MACROD2: variants seen among roughly 807,000 people sequenced by gnomAD.
The protein encoded by MACROD2 is ADP-ribose glycohydrolase MACROD2.
In MACROD2, 36 loss-of-function variants were observed where a neutral mutation model predicts 70.4. The observed-to-expected ratio is 0.51, with a 90% confidence interval of 0.39 to 0.68. The LOEUF is 0.68. Among genes scored for constraint, MACROD2 ranks in the 30% least tolerant of loss-of-function variants. The pLI is 0.00. For missense variants in MACROD2, 496 were observed against 538.4 expected (o/e 0.92, Z 0.78); for synonymous variants, 172 against 178.8 (o/e 0.96, Z 0.30).
At chr20:14,645,784 C>T (rs1232847015) in intron 4 of MACROD2, among the ~76,000 whole-genome samples, 2 of 151,996 alleles carry the variant, frequency 1.3e-5, no homozygotes, top group South Asian at 2.1e-4. Context: ...TTAAATGGAA[C>T]ATGCAAGAGA....
chr20:14,269,653 T>C (rs1451740163), intron 3 of MACROD2, among the ~76,000 whole-genome samples: 1 of 152,184 alleles, frequency 6.6e-6, no homozygotes, highest in Non-Finnish European at 1.5e-5. Flanking sequence ...TTTCTTTGGA[T>C]TTAATTATAC....
chr20:14,539,724 T>C (rs1367284799), intron 4 of MACROD2, among the ~76,000 whole-genome samples: 2 of 152,234 alleles, frequency 1.3e-5, no homozygotes, highest in African/African-American at 2.4e-5. Flanking sequence ...CACTGATAAC[T>C]CAAAGATAAT....
At chr20:14,208,896 A>G (rs1196421745) in intron 3 of MACROD2, among the ~76,000 whole-genome samples, 1 of 152,216 alleles carries the variant, frequency 6.6e-6, no homozygotes, top group Non-Finnish European at 1.5e-5. Flanking sequence ...GTAGAAGAAA[A>G]AATGCCTTTT....
intron 6 of MACROD2, among the ~76,000 whole-genome samples, chr20:15,428,143 G>A (rs1346253041): frequency 2.0e-5 from 3 of 152,160 alleles, no homozygotes; most frequent in African/African-American, 7.2e-5. Flanking sequence ...CAATGCTCAT[G>A]TTCTTTATTT....
intron 3 of MACROD2, among the ~76,000 whole-genome samples, chr20:14,316,964 TA>T (rs2122535122): frequency 6.6e-6 from 1 of 152,240 alleles, no homozygotes; most frequent in South Asian, 2.1e-4. Flanking sequence ...CCTGCCCTCT[TA>T]AAAACTGCCC....
rs201080022 is a variant in MACROD2 at position 15,955,971 on chromosome 20, GA to G, written c.908-11573del. 3.5e-4 allele frequency among the ~76,000 whole-genome samples: 52 copies of G among 149,900 alleles called. 1 individual carries two copies. Among genetic ancestry groups the G allele is most frequent in the African/African-American group, 8.8e-4 (36 of 40,884 alleles). On this transcript the variant is annotated intron_variant, in intron 12 of 17. Coordinates refer to ENST00000684519, the MANE Select transcript of MACROD2 (RefSeq NM_001351661.2). ...CCAGGACTTATAATAAAAGTTGAAG[GA>G]AAAAAAAACTAAAAATAAATTATTG...
chr20:15,729,593 G>A (rs557544351), intron 8 of MACROD2, among the ~76,000 whole-genome samples: 9 of 152,180 alleles, frequency 5.9e-5, no homozygotes, highest in African/African-American at 1.9e-4. Context: ...ATATATTTAG[G>A]ATATTAGGTA....
At chr20:14,785,668 G>A (rs2072361019) in intron 5 of MACROD2, among the ~76,000 whole-genome samples, 3 of 152,192 alleles carry the variant, frequency 2.0e-5, no homozygotes, top group South Asian at 2.1e-4. Context: ...TAAAGTCAAC[G>A]TAGTATTATT....
At position 15,282,699 on chromosome 20, in the gene MACROD2, G is replaced by C. The variant is rs531228906; in HGVS notation, c.540+52638G>C. ...TTTTTGGTCAAAACCCATTCAACAA[G>C]TCTCTAGGAAGTTTCAAACTTTCCC... On this transcript the variant is annotated intron_variant, in intron 6 of 17. Transcript: ENST00000684519. 7.4e-4 allele frequency among the ~76,000 whole-genome samples: 113 copies of C among 152,224 alleles called. 1 individual carries two copies. The highest frequency in any genetic ancestry group is 2.3e-3 in the African/African-American group (96 of 41,548).
intron 8 of MACROD2, among the ~76,000 whole-genome samples, chr20:15,678,701 C>T (rs1194152365): frequency 6.6e-6 from 1 of 152,122 alleles, no homozygotes; most frequent in Non-Finnish European, 1.5e-5. Context: ...AAGGAAACAC[C>T]TTTCATGATT....
At chr20:14,014,643 G>GC (rs78711760) in intron 2 of MACROD2, among the ~76,000 whole-genome samples, 26,628 of 151,972 alleles carry the variant, frequency 0.18, 2,553 homozygotes, top group South Asian at 0.23. Flanking sequence ...TAATTCACTT[G>GC]CCATTTTTTC....
chr20:14,294,463 C>T (rs1254321285), intron 3 of MACROD2, among the ~76,000 whole-genome samples: 1 of 151,456 alleles, frequency 6.6e-6, no homozygotes. Flanking sequence ...GTTGTTTATT[C>T]TGCTGTTCAC....
intron 2 of MACROD2, among the ~76,000 whole-genome samples, chr20:14,066,403 A>C (rs1056169726): frequency 6.6e-6 from 1 of 152,228 alleles, no homozygotes; most frequent in African/African-American, 2.4e-5. Flanking sequence ...ATTCTTACAG[A>C]AATGTTCACT....
intron 8 of MACROD2, among the ~76,000 whole-genome samples, chr20:15,526,788 G>T (rs914084146): frequency 2.0e-4 from 30 of 152,048 alleles, no homozygotes; most frequent in African/African-American, 7.2e-4. Context: ...TGGTTGATCT[G>T]GGCATTAAAA....
At chr20:14,936,131 A>G (rs537087182) in intron 5 of MACROD2, among the ~76,000 whole-genome samples, 1 of 152,192 alleles carries the variant, frequency 6.6e-6, no homozygotes, top group African/African-American at 2.4e-5. Context: ...TAATATGAGT[A>G]TGTGGTATAA....
At chr20:14,697,458 C>A (rs1296366187) in intron 5 of MACROD2, among the ~76,000 whole-genome samples, 2 of 152,156 alleles carry the variant, frequency 1.3e-5, no homozygotes, top group Non-Finnish European at 2.9e-5. Flanking sequence ...GTACTTTTAG[C>A]CTTTCCTTAA....
intron 5 of MACROD2, among the ~76,000 whole-genome samples, chr20:14,937,466 A>G (rs961790268): frequency 2.6e-5 from 4 of 152,122 alleles, no homozygotes; most frequent in African/African-American, 7.2e-5. Context: ...TACATTATCA[A>G]AACAAAGACT....
intron 15 of MACROD2, among the ~76,000 whole-genome samples, chr20:16,023,583 G>A (rs1968062628): frequency 6.6e-6 from 1 of 151,940 alleles, no homozygotes; most frequent in Non-Finnish European, 1.5e-5. Context: ...GCAATCCGAG[G>A]AAGCACATGT....
intron 5 of MACROD2, among the ~76,000 whole-genome samples, chr20:14,892,321 A>C (rs2073771743): frequency 6.6e-6 from 1 of 152,046 alleles, no homozygotes; most frequent in Admixed American, 6.5e-5. Context: ...AAAATTCAAA[A>C]AAAATTAGCC....
Sources: allele counts gnomAD v4.1 joint callset (sites outside exome capture counted in the v4.1 genomes callset), GRCh38; gene constraint gnomAD v4.1.1; transcripts MANE v1.5; gene names NCBI Gene and HGNC (gene_info 2026-07-23, HGNC 2026-07-21).